OSBPL1A: variants seen among roughly 807,000 people sequenced by gnomAD.
OSBPL1A encodes oxysterol-binding protein-related protein 1.
Under a neutral mutation model 137.1 loss-of-function variants are expected in OSBPL1A, and 80 were observed. The ratio of observed to expected loss-of-function variants is 0.58; its 90% confidence interval spans 0.49 to 0.70. OSBPL1A has a LOEUF of 0.70. OSBPL1A is among the 30% of genes least tolerant of loss of function. The pLI is 0.00. For synonymous variants in OSBPL1A, 365 were observed against 389.7 expected, an observed-to-expected ratio of 0.94 and a Z score of 0.75; for missense variants, 970 against 1,129.4, an observed-to-expected ratio of 0.86 and a Z score of 2.02.
intron 5 of OSBPL1A, among the ~76,000 whole-genome samples, chr18:24,337,396 T>C (rs1010128970): frequency 4.0e-5 from 6 of 151,170 alleles, no homozygotes; most frequent in African/African-American, 1.5e-4. Flanking sequence ...TAACATAACA[T>C]AACATAACAT....
At chr18:24,193,390 A>G (rs1466039242) in intron 18 of OSBPL1A, among the ~76,000 whole-genome samples, 2 of 151,594 alleles carry the variant, frequency 1.3e-5, no homozygotes, top group Admixed American at 6.6e-5. Context: ...CGGGAGGCTG[A>G]GGCAGGAGAA....
intron 1 of OSBPL1A, among the ~76,000 whole-genome samples, chr18:24,380,404 A>G (rs1362278313): frequency 6.6e-6 from 1 of 152,210 alleles, no homozygotes; most frequent in Non-Finnish European, 1.5e-5. Context: ...TCTGGCCCAC[A>G]CGCTAAGGAT....
chr18:24,162,650 G>A lies in OSBPL1A; in HGVS notation c.*529C>T, dbSNP rs2086046646. 2 of 151,980 alleles carry A rather than the reference G, an allele frequency of 1.3e-5. No homozygotes were observed. The highest frequency in any genetic ancestry group is 2.9e-5 in the Non-Finnish European group (2 of 68,002). 9.4% of individuals were successfully genotyped at this position (151,980 alleles called of 1,614,324 possible). Reference sequence around the variant, plus strand: ...TTTTTTCTTCTTGGAAGATGGAAGGGGTAACATTGGGAGGATTAGTATGAA... The same window carrying A: ...TTTTTTCTTCTTGGAAGATGGAAGGAGTAACATTGGGAGGATTAGTATGAA... On this transcript the variant is annotated 3_prime_UTR_variant, in exon 28 of 28. Transcript: ENST00000319481.
At chr18:24,337,739 G>C (rs1483707097) in intron 5 of OSBPL1A, among the ~76,000 whole-genome samples, 1 of 151,514 alleles carries the variant, frequency 6.6e-6, no homozygotes, top group Non-Finnish European at 1.5e-5. Flanking sequence ...TCATTATTTG[G>C]ACAACTGGCT....
chr18:24,374,405 C>G (rs1021937504), intron 2 of OSBPL1A, among the ~76,000 whole-genome samples: 4 of 152,134 alleles, frequency 2.6e-5, no homozygotes, highest in Non-Finnish European at 5.9e-5. Flanking sequence ...GAAAAAAAGA[C>G]AAAAGCTGAG....
chr18:24,371,833 C>T (rs1275735358), intron 2 of OSBPL1A, among the ~76,000 whole-genome samples: 2 of 152,188 alleles, frequency 1.3e-5, no homozygotes, highest in African/African-American at 2.4e-5. Context: ...AGGTTTCTGC[C>T]ATCACTGCAT....
At position 24,271,817 on chromosome 18, in the gene OSBPL1A, G is replaced by C. The variant is rs1473490707; in HGVS notation, c.1281+9025C>G. The C allele has an allele frequency of 1.0e-5, 10 of 985,212 alleles. No homozygotes were observed. The highest frequency in any genetic ancestry group is 1.2e-5 in the Non-Finnish European group (10 of 829,954). 61.0% of individuals were successfully genotyped at this position (985,212 alleles called of 1,614,324 possible). A position where few individuals can be genotyped will look rare whatever the true frequency, so the allele number is the denominator to read the frequency against. ...GCGCAGCCTGCCCCTGGCTCCGGCC[G>C]GGCAGCAGCGCCAGCCTTCCCCAGC... On this transcript the variant is annotated intron_variant, in intron 15 of 27. Coordinates refer to ENST00000319481, the MANE Select transcript of OSBPL1A (RefSeq NM_080597.4). The surrounding 1 kb of genome is among the most constrained non-coding windows in gnomAD (Gnocchi z 4.0).
At chr18:24,327,383 C>T (rs934167828) in intron 7 of OSBPL1A, among the ~76,000 whole-genome samples, 8 of 152,074 alleles carry the variant, frequency 5.3e-5, no homozygotes, top group Admixed American at 5.2e-4. Context: ...CAGGAGTGAG[C>T]CACCGCACCC....
intron 17 of OSBPL1A, among the ~76,000 whole-genome samples, chr18:24,220,458 G>A (rs1240552355): frequency 6.6e-6 from 1 of 152,142 alleles, no homozygotes; most frequent in Non-Finnish European, 1.5e-5. Context: ...ACTCTAGGCA[G>A]GGAGCCGGGA....
At chr18:24,327,182 A>C (rs1030403769) in intron 7 of OSBPL1A, among the ~76,000 whole-genome samples, 1 of 145,902 alleles carries the variant, frequency 6.9e-6, no homozygotes, top group Non-Finnish European at 1.5e-5. Context: ...ATCTTGGCTC[A>C]CTTCAACCTC....
At chr18:24,279,606 G>A (rs2089916804) in intron 15 of OSBPL1A, among the ~76,000 whole-genome samples, 1 of 151,978 alleles carries the variant, frequency 6.6e-6, no homozygotes, top group African/African-American at 2.4e-5. Flanking sequence ...AAGAAATTTG[G>A]TATCTTAATC....
chr18:24,252,754 T>A (rs920149407), intron 15 of OSBPL1A, among the ~76,000 whole-genome samples: 4 of 151,796 alleles, frequency 2.6e-5, no homozygotes, highest in Non-Finnish European at 4.4e-5. Flanking sequence ...TCAAAAATAA[T>A]AACAACAACT....
At chr18:24,379,780 A>C (rs1599734634) in intron 1 of OSBPL1A, among the ~76,000 whole-genome samples, 2 of 151,518 alleles carry the variant, frequency 1.3e-5, no homozygotes, top group Non-Finnish European at 2.9e-5. Flanking sequence ...CTGAGGCAGG[A>C]GAATCGCTTG....
intron 14 of OSBPL1A, among the ~76,000 whole-genome samples, chr18:24,299,040 T>C (rs1261409589): frequency 6.6e-6 from 1 of 152,210 alleles, no homozygotes; most frequent in Non-Finnish European, 1.5e-5. Context: ...GATGTAAAAA[T>C]AGCTACTCCT....
intron 15 of OSBPL1A, among the ~76,000 whole-genome samples, chr18:24,256,100 T>G (rs2089266428): frequency 6.6e-6 from 1 of 152,136 alleles, no homozygotes; most frequent in Admixed American, 6.5e-5. Context: ...TGGTAAAACT[T>G]TCTAAATTAA....
intron 1 of OSBPL1A, among the ~76,000 whole-genome samples, chr18:24,390,597 A>G (rs546951195): frequency 9.0e-5 from 13 of 143,754 alleles, no homozygotes; most frequent in Non-Finnish European, 2.0e-4. Flanking sequence ...GGGGAGGCTG[A>G]GGCAGGAGAA....
intron 17 of OSBPL1A, among the ~76,000 whole-genome samples, chr18:24,208,442 C>T (rs951853771): frequency 6.6e-6 from 1 of 152,172 alleles, no homozygotes; most frequent in African/African-American, 2.4e-5. Flanking sequence ...GTACCAAATT[C>T]CATTGTTAGA....
chr18:24,214,149 A>C (rs910202189), intron 17 of OSBPL1A, among the ~76,000 whole-genome samples: 3 of 152,222 alleles, frequency 2.0e-5, no homozygotes, highest in African/African-American at 4.8e-5. Context: ...ATCTCTAAGA[A>C]TAACTTAGAT....
At chr18:24,183,570 C>A (rs1300638748) in intron 18 of OSBPL1A, among the ~76,000 whole-genome samples, 1 of 151,812 alleles carries the variant, frequency 6.6e-6, no homozygotes, top group Non-Finnish European at 1.5e-5. Context: ...GTAGCTGGAA[C>A]TACAGGCGTG....
Sources: gnomAD v4.1 joint callset for allele counts (sites outside exome capture counted in the v4.1 genomes callset) on GRCh38, gnomAD v4.1.1 for gene constraint, Gnocchi (gnomAD v3.1) non-coding constraint, MANE v1.5 for transcripts, NCBI Gene and HGNC (gene_info 2026-07-23, HGNC 2026-07-21) for gene names.